The following EYS variants were observed in gnomAD, a reference collection of about 807,000 sequenced individuals.
The protein encoded by EYS is EGF-like photoreceptor maintenance factor, also known as protein eyes shut homolog.
Under a neutral mutation model 282.1 loss-of-function variants are expected in EYS, and 250 were observed. The ratio of observed to expected loss-of-function variants is 0.89; its 90% CI spans 0.80 to 0.98. The LOEUF is 0.98. Ranked by LOEUF, EYS falls within the 50% of genes least tolerant of loss-of-function variation. The pLI, the probability that EYS is intolerant of heterozygous loss-of-function variation, is 0.00. For synonymous variants in EYS, 1,355 were observed against 1,282.9 expected, an observed-to-expected ratio of 1.06 and a Z score of -1.20; for missense variants, 4,016 against 3,709.0, an observed-to-expected ratio of 1.08 and a Z score of -2.15.
chr6:64,180,792 T>A (rs1360972279), intron 31 of EYS, among the ~76,000 whole-genome samples: 3 of 152,188 alleles, frequency 2.0e-5, no homozygotes, highest in African/African-American at 4.8e-5. Flanking sequence ...ATGGGCTATG[T>A]AATCTTTTGC....
At chr6:64,280,358 T>G (rs189452294) in intron 30 of EYS, among the ~76,000 whole-genome samples, 14 of 152,020 alleles carry the variant, frequency 9.2e-5, no homozygotes, top group Non-Finnish European at 1.0e-4. Context: ...AAGAAAAGAG[T>G]ATGTTAGTAG....
At chr6:63,798,967 ATATATATATGTATATGTGTG>A (rs1377605990) in intron 37 of EYS, among the ~76,000 whole-genome samples, 1,930 of 125,162 alleles carry the variant, frequency 0.015, 15 homozygotes, top group East Asian at 0.026. Context: ...ATATGTGTAT[ATATATATATGTATATGTGTG>A]TATATATATA....
chr6:64,583,003 T>G (rs1263015572), intron 26 of EYS, among the ~76,000 whole-genome samples: 1 of 152,290 alleles, frequency 6.6e-6, no homozygotes, highest in African/African-American at 2.4e-5. Context: ...CAAATGAGGT[T>G]AATTGTATAT....
intron 18 of EYS, among the ~76,000 whole-genome samples, chr6:64,898,727 C>A (rs1583274153): frequency 6.8e-6 from 1 of 146,804 alleles, no homozygotes; most frequent in Middle Eastern, 3.5e-3. Context: ...TGCAAAGACA[C>A]ATATAAGCTC....
chr6:64,728,543 T>C (rs953594156), intron 22 of EYS, among the ~76,000 whole-genome samples: 1 of 151,990 alleles, frequency 6.6e-6, no homozygotes, highest in African/African-American at 2.4e-5. Context: ...CACCGCATTA[T>C]CCAGGATGGT....
chr6:64,471,994 G>A (rs746371628), intron 26 of EYS, among the ~76,000 whole-genome samples: 3 of 152,146 alleles, frequency 2.0e-5, no homozygotes, highest in Non-Finnish European at 4.4e-5. Context: ...AAAATTTGAG[G>A]TGATAGATAT....
intron 31 of EYS, among the ~76,000 whole-genome samples, chr6:64,172,476 G>A (rs972518453): frequency 1.3e-5 from 2 of 152,138 alleles, no homozygotes; most frequent in African/African-American, 4.8e-5. Context: ...CACTGTAAGT[G>A]GGAATATAAA....
At chr6:64,663,254 C>A (rs1483797995) in intron 22 of EYS, among the ~76,000 whole-genome samples, 1 of 152,108 alleles carries the variant, frequency 6.6e-6, no homozygotes, top group Admixed American at 6.6e-5. Flanking sequence ...ACGAAATATA[C>A]CATTGGTAAT....
intron 28 of EYS, among the ~76,000 whole-genome samples, chr6:64,410,596 T>C (rs1448710907): frequency 6.6e-6 from 1 of 152,158 alleles, no homozygotes; most frequent in African/African-American, 2.4e-5. Context: ...TTCACAGTCA[T>C]ATTTAAATCT....
chr6:64,750,399 T>C (rs1195373894), intron 22 of EYS, among the ~76,000 whole-genome samples: 1 of 136,080 alleles, frequency 7.3e-6, no homozygotes, highest in Non-Finnish European at 1.6e-5. Context: ...GTAGTAATTT[T>C]ACAGCAAATA....
chr6:64,324,718 T>A (rs1197937097), intron 29 of EYS, among the ~76,000 whole-genome samples: 1 of 152,152 alleles, frequency 6.6e-6, no homozygotes, highest in Non-Finnish European at 1.5e-5. Flanking sequence ...TAGAAAACCA[T>A]AAAGACTCTG....
intron 13 of EYS, among the ~76,000 whole-genome samples, chr6:65,055,490 A>T (rs1260878181): frequency 6.6e-6 from 1 of 152,072 alleles, no homozygotes; most frequent in East Asian, 1.9e-4. Flanking sequence ...TGATGTTATT[A>T]ACTAATGTCT....
At chr6:65,129,647 G>A (rs901379238) in intron 12 of EYS, among the ~76,000 whole-genome samples, 4 of 151,658 alleles carry the variant, frequency 2.6e-5, no homozygotes, top group African/African-American at 9.7e-5. Context: ...GCTATAATCA[G>A]AAAGTGATAA....
chr6:65,275,966 A>G (rs763822984), intron 12 of EYS, among the ~76,000 whole-genome samples: 1 of 152,054 alleles, frequency 6.6e-6, no homozygotes, highest in Non-Finnish European at 1.5e-5. Flanking sequence ...ATTCCACATA[A>G]CACTGCTTCT....
chr6:64,153,511 G>A (rs1215510331), intron 31 of EYS, among the ~76,000 whole-genome samples: 3 of 152,110 alleles, frequency 2.0e-5, no homozygotes, highest in African/African-American at 7.2e-5. Flanking sequence ...AACAGGTAAT[G>A]AACAGAAGAG....
intron 5 of EYS, among the ~76,000 whole-genome samples, chr6:65,419,088 A>C (rs1767355241): frequency 6.9e-6 from 1 of 145,604 alleles, no homozygotes; most frequent in East Asian, 2.0e-4. Flanking sequence ...GTTAATATTC[A>C]AAAGAAAAGT....
chr6:64,236,496 C>G (rs1008387045), intron 30 of EYS, among the ~76,000 whole-genome samples: 2 of 152,050 alleles, frequency 1.3e-5, no homozygotes, highest in Admixed American at 1.3e-4. Context: ...GAGCAACTGC[C>G]AAACTATTTT....
intron 22 of EYS, among the ~76,000 whole-genome samples, chr6:64,723,348 A>G (rs991623826): frequency 6.6e-6 from 1 of 151,804 alleles, no homozygotes; most frequent in African/African-American, 2.4e-5. Context: ...GAATGTCTCT[A>G]TGTTGTTTTT....
intron 35 of EYS, among the ~76,000 whole-genome samples, chr6:63,910,492 T>C (rs1468023250): frequency 6.6e-6 from 1 of 152,220 alleles, no homozygotes; most frequent in Non-Finnish European, 1.5e-5. Flanking sequence ...CTTTAACTCT[T>C]TATAAGCAAA....
Sources: allele counts gnomAD v4.1 joint callset (sites outside exome capture counted in the v4.1 genomes callset), GRCh38; gene constraint gnomAD v4.1.1; transcripts MANE v1.5; gene names NCBI Gene and HGNC (gene_info 2026-07-23, HGNC 2026-07-21).